OPCML: variants seen among roughly 807,000 people sequenced by gnomAD.
OPCML encodes opioid-binding protein/cell adhesion molecule.
In OPCML, 13 loss-of-function variants were observed where a neutral mutation model predicts 37.8. The observed-to-expected ratio is 0.34, with a 90% CI of 0.22 to 0.55. The LOEUF (loss-of-function observed/expected upper bound fraction) is 0.55. OPCML is among the 20% of genes least tolerant of loss of function. OPCML has a pLI of 0.91. For synonymous variants in OPCML, 176 were observed against 168.8 expected (o/e 1.04, Z -0.33); for missense variants, 341 against 435.6 (o/e 0.78, Z 1.93).
At chr11:133,207,133 A>AG (rs1305637205) in intron 1 of OPCML, among the ~76,000 whole-genome samples, 1 of 151,182 alleles carries the variant, frequency 6.6e-6, no homozygotes, top group African/African-American at 2.4e-5. Flanking sequence ...AAAAAAAAAA[A>AG]AAAAAAAATA....
At chr11:133,383,990 G>A (rs866640714) in intron 1 of OPCML, among the ~76,000 whole-genome samples, 1 of 152,076 alleles carries the variant, frequency 6.6e-6, no homozygotes, top group Non-Finnish European at 1.5e-5. Flanking sequence ...CATCCCGGCA[G>A]TGCCCCAGGA....
chr11:132,882,423 A>AG (rs1232026502), intron 2 of OPCML, among the ~76,000 whole-genome samples: 5 of 152,218 alleles, frequency 3.3e-5, no homozygotes, highest in African/African-American at 1.2e-4. Flanking sequence ...GCAAGCATCC[A>AG]GGGGAAGGTC....
chr11:133,480,144 C>A (rs1047532032), intron 1 of OPCML, among the ~76,000 whole-genome samples: 4 of 152,220 alleles, frequency 2.6e-5, no homozygotes, highest in African/African-American at 9.6e-5. Context: ...CTTCCCTTCC[C>A]TTGATCGGAT....
intron 1 of OPCML, among the ~76,000 whole-genome samples, chr11:133,232,836 T>C (rs1940337863): frequency 6.6e-6 from 1 of 152,236 alleles, no homozygotes. Context: ...TAAAATTACC[T>C]TCTAATCAAA....
intron 3 of OPCML, among the ~76,000 whole-genome samples, chr11:132,646,993 C>A (rs1037841848): frequency 1.3e-5 from 2 of 152,012 alleles, no homozygotes; most frequent in Non-Finnish European, 2.9e-5. Context: ...AAGGACAGAC[C>A]CTGACTCCAC....
intron 1 of OPCML, chr11:133,418,496 A>G: frequency 6.1e-6 from 6 of 984,702 alleles, no homozygotes; most frequent in Non-Finnish European, 6.0e-6. Flanking sequence ...AATAATAGTC[A>G]TAAAACAGCC....
At chr11:133,026,702 T>A in intron 1 of OPCML, 2 of 505,148 alleles carry the variant, frequency 4.0e-6, no homozygotes, top group Non-Finnish European at 5.1e-6. Context: ...TGTTTAGCAG[T>A]AATTCATCTG....
intron 2 of OPCML, among the ~76,000 whole-genome samples, chr11:132,794,536 C>G (rs563878673): frequency 3.9e-5 from 6 of 152,086 alleles, no homozygotes; most frequent in African/African-American, 1.4e-4. Flanking sequence ...TGGGACCAGG[C>G]GAGCTTTCCT....
chr11:132,849,419 A>G (rs1015329010), intron 2 of OPCML, among the ~76,000 whole-genome samples: 37 of 152,232 alleles, frequency 2.4e-4, no homozygotes, highest in Admixed American at 2.2e-3. Flanking sequence ...CCAGTGACTA[A>G]AATAAGCAAA....
intron 1 of OPCML, among the ~76,000 whole-genome samples, chr11:133,323,894 T>G (rs2136628122): frequency 6.6e-6 from 1 of 152,312 alleles, no homozygotes; most frequent in South Asian, 2.1e-4. Flanking sequence ...GTTGGCTTGG[T>G]CTCTCCAATT....
intron 2 of OPCML, among the ~76,000 whole-genome samples, chr11:132,800,506 C>A (rs562757001): frequency 6.6e-6 from 1 of 152,218 alleles, no homozygotes; most frequent in South Asian, 2.1e-4. Flanking sequence ...AGGGGAAAAG[C>A]CTTCAGCATT....
At chr11:132,913,471 C>A (rs1565958948) in intron 2 of OPCML, among the ~76,000 whole-genome samples, 1 of 152,170 alleles carries the variant, frequency 6.6e-6, no homozygotes, top group Non-Finnish European at 1.5e-5. Flanking sequence ...ATTCTACCAT[C>A]GAAAGCAATT....
intron 1 of OPCML, among the ~76,000 whole-genome samples, chr11:133,351,753 G>C (rs146030629): frequency 6.6e-6 from 1 of 151,854 alleles, no homozygotes; most frequent in Non-Finnish European, 1.5e-5. Context: ...AATCCAACAG[G>C]CTTCTCATAC....
At chr11:132,566,417 T>G (rs117841327) in intron 3 of OPCML, among the ~76,000 whole-genome samples, 119 of 152,308 alleles carry the variant, frequency 7.8e-4, no homozygotes, top group Non-Finnish European at 1.6e-3. Context: ...TTTATACATG[T>G]TTTGCCCTGA....
intron 4 of OPCML, among the ~76,000 whole-genome samples, chr11:132,490,019 C>T (rs1592255453): frequency 6.6e-6 from 1 of 152,238 alleles, no homozygotes; most frequent in Non-Finnish European, 1.5e-5. Flanking sequence ...AGGACATGAA[C>T]TCATCCTTTT....
chr11:133,214,926 G>T (rs76841933), intron 1 of OPCML, among the ~76,000 whole-genome samples: 1 of 152,030 alleles, frequency 6.6e-6, no homozygotes, highest in Non-Finnish European at 1.5e-5. Flanking sequence ...CTGACCCCTC[G>T]TTGGGCACCC....
At chr11:133,153,043 C>G (rs1950009378) in intron 1 of OPCML, among the ~76,000 whole-genome samples, 1 of 152,086 alleles carries the variant, frequency 6.6e-6, no homozygotes, top group Admixed American at 6.5e-5. Context: ...GTCCCTGCAG[C>G]CTGGACCCTG....
chr11:133,374,705 G>A (rs1944759727), intron 1 of OPCML, among the ~76,000 whole-genome samples: 1 of 152,156 alleles, frequency 6.6e-6, no homozygotes, highest in Admixed American at 6.5e-5. Flanking sequence ...CTAAGGCACA[G>A]TTCCAATCAA....
In OPCML at chr11:133,467,299, T is replaced by C. The variant is rs115752277; in HGVS notation, c.61+64965A>G. Reference sequence around the variant, plus strand: ...CAACAGGATTCGATATGGATGGAAGTTGTCATGGGGTTCCTAGGCACCCTT... The same window carrying C: ...CAACAGGATTCGATATGGATGGAAGCTGTCATGGGGTTCCTAGGCACCCTT... On this transcript the variant is annotated intron_variant, in intron 1 of 7. Coordinates refer to ENST00000524381, the MANE Select transcript of OPCML (RefSeq NM_001012393.5). Among the ~76,000 whole-genome samples the C allele has an allele frequency of 2.4e-3, 360 of 152,240 alleles. 2 individuals are homozygous for C. The highest frequency in any genetic ancestry group is 8.2e-3 in the African/African-American group (341 of 41,532).
Sources: gnomAD v4.1 joint callset for allele counts (sites outside exome capture counted in the v4.1 genomes callset) on GRCh38, gnomAD v4.1.1 for gene constraint, MANE v1.5 for transcripts, NCBI Gene and HGNC (gene_info 2026-07-23, HGNC 2026-07-21) for gene names.